VCF2: variants seen among roughly 807,000 people sequenced by gnomAD.
The protein encoded by VCF2 is protein VCF2.
chrX:55,152,836 G>A, the VCF2 span, among the ~76,000 whole-genome samples: 1 of 111,861 alleles, frequency 8.9e-6, no homozygotes, highest in Non-Finnish European at 1.9e-5. Context: ...CCCTGGCAAT[G>A]TAAACTGATA....
chrX:55,150,736 T>C, the VCF2 span, among the ~76,000 whole-genome samples: 6 of 111,868 alleles, frequency 5.4e-5, no homozygotes, highest in Non-Finnish European at 1.1e-4. Flanking sequence ...TAATCAGCTA[T>C]AGGACTCTGA....
chrX:55,145,759 T>A, the VCF2 span: 1 of 788,704 alleles, frequency 1.3e-6, no homozygotes, highest in Non-Finnish European at 1.5e-6. Flanking sequence ...AGTTTCTAAC[T>A]GACAGATCTG....
chrX:55,147,942 A>G, the VCF2 span, among the ~76,000 whole-genome samples: 1 of 111,234 alleles, frequency 9.0e-6, no homozygotes, highest in Non-Finnish European at 1.9e-5. Flanking sequence ...TATTTTTATT[A>G]GCTGAAAATC....
the VCF2 span, among the ~76,000 whole-genome samples, chrX:55,157,226 A>G: frequency 2.2e-4 from 25 of 112,482 alleles, 1 homozygote; most frequent in Admixed American, 2.3e-3. Context: ...CTAAGAGAAA[A>G]TGTTCTTCAA....
chrX:55,160,051 AG>A, the VCF2 span, among the ~76,000 whole-genome samples: 2 of 112,283 alleles, frequency 1.8e-5, no homozygotes, highest in Non-Finnish European at 3.8e-5. Context: ...AGGAGACTCT[AG>A]GAGACTGAGT....
At chrX:55,161,038 G>A in the VCF2 span, 9 of 1,177,948 alleles carry the variant, frequency 7.6e-6, no homozygotes, top group African/African-American at 1.8e-5. Context: ...CTGCGTTTCC[G>A]CCCTGAGCCC....
chrX:55,154,188 T>C, the VCF2 span, among the ~76,000 whole-genome samples: 3 of 111,858 alleles, frequency 2.7e-5, no homozygotes, highest in South Asian at 3.7e-4. Flanking sequence ...TGTGATGCAA[T>C]TGCAGCTCAC....
the VCF2 span, among the ~76,000 whole-genome samples, chrX:55,147,223 T>C: frequency 4.5e-5 from 5 of 111,800 alleles, no homozygotes; most frequent in South Asian, 1.9e-3. Context: ...TTTCCAAAGG[T>C]AACATTAGTA....
the VCF2 span, chrX:55,146,143 G>T: frequency 1.7e-6 from 2 of 1,211,192 alleles, no homozygotes; most frequent in Non-Finnish European, 2.2e-6. Context: ...TTCAAGGTCT[G>T]GTTGATATGG....
chrX:55,159,102 T>C, the VCF2 span: 7 of 1,100,273 alleles, frequency 6.4e-6, no homozygotes, highest in Non-Finnish European at 7.4e-6. Context: ...ATGAATGAAA[T>C]AGAGGCAATC....
At chrX:55,146,178 T>C in the VCF2 span, 1 of 1,211,377 alleles carries the variant, frequency 8.3e-7, no homozygotes, top group Non-Finnish European at 1.1e-6. Flanking sequence ...GCATGGTACA[T>C]ACCCCTCATG....
the VCF2 span, among the ~76,000 whole-genome samples, chrX:55,148,735 CAGTT>C: frequency 0.047 from 5,272 of 111,322 alleles, 138 homozygotes; most frequent in Non-Finnish European, 0.076. Context: ...ACTAAAGAAT[CAGTT>C]AGAGCAACAA....
the VCF2 span, among the ~76,000 whole-genome samples, chrX:55,150,243 C>T: frequency 9.0e-6 from 1 of 111,707 alleles, no homozygotes; most frequent in African/African-American, 3.3e-5. Context: ...TGTCAGCAGT[C>T]CCCAACCTTT....
chrX:55,158,601 T>G, the VCF2 span, among the ~76,000 whole-genome samples: 1 of 111,849 alleles, frequency 8.9e-6, no homozygotes, highest in African/African-American at 3.2e-5. Flanking sequence ...CCAATTACCC[T>G]GATTTGGTCA....
chrX:55,158,759 C>T, the VCF2 span, among the ~76,000 whole-genome samples: 2 of 111,762 alleles, frequency 1.8e-5, no homozygotes, highest in Admixed American at 1.9e-4. Flanking sequence ...CCAAATTTTT[C>T]ACTTTTTTTC....
At chrX:55,143,235 T>C in the VCF2 span, 4 of 111,464 alleles carry the variant, frequency 3.6e-5, no homozygotes, top group African/African-American at 9.8e-5. Flanking sequence ...GCAGGAAATA[T>C]GTGTGGTGGG....
the VCF2 span, chrX:55,160,810 G>T: frequency 8.7e-7 from 1 of 1,150,372 alleles, no homozygotes; most frequent in Non-Finnish European, 1.2e-6. Flanking sequence ...CTGAGTTTTC[G>T]CGAGGGACCA....
At chrX:55,144,250 C>A in the VCF2 span, among the ~76,000 whole-genome samples, 1 of 111,248 alleles carries the variant, frequency 9.0e-6, no homozygotes, top group African/African-American at 3.3e-5. Context: ...CTGTTGTGTA[C>A]ATGTGGGTTG....
At chrX:55,149,275 T>C in the VCF2 span, among the ~76,000 whole-genome samples, 1 of 110,750 alleles carries the variant, frequency 9.0e-6, no homozygotes, top group South Asian at 3.8e-4. Context: ...TTAATTTGCT[T>C]AGAAAAAAAC....
Sources: allele counts gnomAD v4.1 joint callset (sites outside exome capture counted in the v4.1 genomes callset), GRCh38; gene constraint gnomAD v4.1.1; transcripts MANE v1.5; gene names NCBI Gene and HGNC (gene_info 2026-07-23, HGNC 2026-07-21).